Variants in LPP observed in about 807,000 individuals in gnomAD.
The protein encoded by LPP is LIM domain containing preferred translocation partner in lipoma, also known as lipoma-preferred partner.
LPP carries 38 observed loss-of-function variants against 60.4 expected under a neutral mutation model. The ratio of observed to expected loss-of-function variants is 0.63; its 90% CI spans 0.49 to 0.83. The LOEUF (loss-of-function observed/expected upper bound fraction) is 0.83, where lower values mean the gene tolerates loss of function less well. Among genes scored for constraint, LPP ranks in the 40% least tolerant of loss-of-function variants. LPP has a pLI of 0.00. For missense variants in LPP, 902 were observed against 783.6 expected (o/e 1.15, Z -1.80); for synonymous variants, 328 against 290.8 (o/e 1.13, Z -1.30).
intron 7 of LPP, among the ~76,000 whole-genome samples, chr3:188,690,471 A>G (rs559552257): frequency 1.3e-5 from 2 of 152,294 alleles, no homozygotes; most frequent in East Asian, 1.9e-4. Context: ...GTGGTTTTAC[A>G]TCTAATTTTT....
intron 9 of LPP, among the ~76,000 whole-genome samples, chr3:188,865,883 AAC>A (rs1043421401): frequency 7.2e-5 from 11 of 152,204 alleles, no homozygotes; most frequent in African/African-American, 2.2e-4. Context: ...GCAGTCAGAA[AAC>A]ACATGTCCTC....
chr3:188,715,615 A>T (rs753188189), intron 8 of LPP, among the ~76,000 whole-genome samples: 3 of 151,680 alleles, frequency 2.0e-5, no homozygotes, highest in Non-Finnish European at 3.0e-5. Flanking sequence ...AGGAAAGCAA[A>T]GTTGAGTTTT....
chr3:188,846,683 C>CAAAAAA, intron 9 of LPP, among the ~76,000 whole-genome samples: 1 of 84,620 alleles, frequency 1.2e-5, no homozygotes, highest in Non-Finnish European at 2.3e-5. Flanking sequence ...GATTCCATCT[C>CAAAAAA]AAAAAAAAAA....
intron 8 of LPP, among the ~76,000 whole-genome samples, chr3:188,716,063 C>T (rs539363292): frequency 6.6e-6 from 1 of 152,326 alleles, no homozygotes; most frequent in Admixed American, 6.5e-5. Flanking sequence ...AAGAATCCTT[C>T]AGAGCAGTGC....
intron 6 of LPP, among the ~76,000 whole-genome samples, chr3:188,529,398 A>G (rs1821538412): frequency 6.6e-6 from 1 of 152,168 alleles, no homozygotes; most frequent in Non-Finnish European, 1.5e-5. Flanking sequence ...GTGATTTCTC[A>G]TTAGTCAAAC....
chr3:188,819,211 T>A (rs1298855656), intron 9 of LPP, among the ~76,000 whole-genome samples: 1 of 152,108 alleles, frequency 6.6e-6, no homozygotes, highest in African/African-American at 2.4e-5. Context: ...TACAAGATTG[T>A]ATTGTGTGAT....
At chr3:188,607,406 TA>T (rs1560628812) in intron 6 of LPP, among the ~76,000 whole-genome samples, 950 of 52,542 alleles carry the variant, frequency 0.018, 52 homozygotes, top group Middle Eastern at 0.039. Flanking sequence ...TATATATATA[TA>T]TATATATATA....
At chr3:188,397,791 T>A (rs1451493790) in intron 3 of LPP, among the ~76,000 whole-genome samples, 1 of 152,116 alleles carries the variant, frequency 6.6e-6, no homozygotes. Context: ...TTTTTGTATT[T>A]GTAGTTGAGA....
At chr3:188,467,111 A>G (rs1309105393) in intron 4 of LPP, among the ~76,000 whole-genome samples, 1 of 151,774 alleles carries the variant, frequency 6.6e-6, no homozygotes, top group East Asian at 1.9e-4. Context: ...GGACCTAAGA[A>G]AAGCAATCCT....
rs1347426165 is a variant in LPP, at chr3:188,422,680, C to T, written c.193+16367C>T. Among the ~76,000 whole-genome samples the T allele has an allele frequency of 4.6e-5, 7 of 152,142 alleles. No homozygotes were observed. The East Asian group carries it at 1.3e-3, about 29-fold the overall frequency. The stretch of plus-strand genomic sequence containing the variant: ...CCTTGTGCAATATAGTTATCCCATG[C>T]AGAGCTACATAGTGTAACGATCTCT... On this transcript the variant is annotated intron_variant, in intron 4 of 11. Transcript: ENST00000617246.
chr3:188,211,216 T>G (rs1240537764), intron 1 of LPP, among the ~76,000 whole-genome samples: 3 of 152,204 alleles, frequency 2.0e-5, no homozygotes, highest in Non-Finnish European at 4.4e-5. Context: ...CTGACTCGTC[T>G]AAAATCTTAA....
intron 7 of LPP, among the ~76,000 whole-genome samples, chr3:188,632,955 T>C (rs1319524955): frequency 6.6e-6 from 1 of 152,228 alleles, no homozygotes; most frequent in African/African-American, 2.4e-5. Flanking sequence ...GCCTTCTTTC[T>C]GAACTTTCCT....
At chr3:188,785,449 ATTC>A (rs1442958365) in intron 9 of LPP, among the ~76,000 whole-genome samples, 2 of 29,550 alleles carry the variant, frequency 6.8e-5, no homozygotes, top group Admixed American at 5.5e-4. Flanking sequence ...ATATATATAT[ATTC>A]CATCATATAT....
chr3:188,638,931 C>A (rs1849444431), intron 7 of LPP, among the ~76,000 whole-genome samples: 1 of 152,048 alleles, frequency 6.6e-6, no homozygotes, highest in Non-Finnish European at 1.5e-5. Context: ...GTGAAAATGG[C>A]CATACTGCCC....
chr3:188,844,941 A>G (rs1360688883), intron 9 of LPP, among the ~76,000 whole-genome samples: 2 of 152,254 alleles, frequency 1.3e-5, no homozygotes, highest in African/African-American at 4.8e-5. Context: ...CAATGCAATT[A>G]CACCTTCATT....
intron 8 of LPP, among the ~76,000 whole-genome samples, chr3:188,735,838 G>A (rs1722315331): frequency 6.6e-6 from 1 of 152,198 alleles, no homozygotes; most frequent in South Asian, 2.1e-4. Context: ...AACTAGACAT[G>A]GGAGAAGCCA....
intron 9 of LPP, among the ~76,000 whole-genome samples, chr3:188,859,332 A>G (rs1311741466): frequency 6.6e-6 from 1 of 152,148 alleles, no homozygotes; most frequent in East Asian, 1.9e-4. Context: ...ATCCAATCCC[A>G]ACTAGAATAG....
chr3:188,477,661 T>C lies in LPP; in HGVS notation c.194-6931T>C, dbSNP rs534993836. On this transcript the variant is annotated intron_variant, in intron 4 of 11. Coordinates refer to ENST00000617246, the MANE Select transcript of LPP (RefSeq NM_001375462.1). The stretch of plus-strand genomic sequence containing the variant: ...GTACTGAAAATTTCTGTTTTGTGCA[T>C]ATGTGTTATTTAAAAATTATAAATG... Among the ~76,000 whole-genome samples the C allele has an allele frequency of 2.0e-5, 3 of 152,314 alleles. No homozygotes were observed. The South Asian group carries it at 6.2e-4, about 32-fold the overall frequency.
At chr3:188,753,799 T>C (rs186449223) in intron 8 of LPP, among the ~76,000 whole-genome samples, 2 of 151,994 alleles carry the variant, frequency 1.3e-5, no homozygotes, top group Admixed American at 6.6e-5. Flanking sequence ...GTATATGTAT[T>C]TGTAGAGGGA....
Sources: gnomAD v4.1 joint callset for allele counts (sites outside exome capture counted in the v4.1 genomes callset) on GRCh38, gnomAD v4.1.1 for gene constraint, MANE v1.5 for transcripts, NCBI Gene and HGNC (gene_info 2026-07-23, HGNC 2026-07-21) for gene names.